AEBP2: variants seen among roughly 807,000 people sequenced by gnomAD.
AEBP2 encodes zinc finger protein AEBP2.
A neutral mutation model predicts 50.8 loss-of-function variants in AEBP2; 10 were observed. That is an observed-to-expected ratio of 0.20 (90% confidence interval 0.12 to 0.33). The LOEUF is 0.33. Among genes scored for constraint, AEBP2 ranks in the 10% least tolerant of loss-of-function variants. The pLI, the probability that AEBP2 is intolerant of heterozygous loss-of-function variation, is 1.00. For synonymous variants in AEBP2, 296 were observed against 261.3 expected, an observed-to-expected ratio of 1.13 and a Z score of -1.28; for missense variants, 570 against 688.0, an observed-to-expected ratio of 0.83 and a Z score of 1.92.
chr12:19,448,020 C>T (rs1337326338), intron 1 of AEBP2, among the ~76,000 whole-genome samples: 1 of 152,100 alleles, frequency 6.6e-6, no homozygotes, highest in Admixed American at 6.6e-5. Context: ...TCAAGGATAT[C>T]TTAGGTAGGT....
intron 1 of AEBP2, among the ~76,000 whole-genome samples, chr12:19,425,486 G>T (rs1296795050): frequency 1.3e-5 from 2 of 152,030 alleles, no homozygotes; most frequent in African/African-American, 4.8e-5. Context: ...GATGAATTAG[G>T]CCAGGTCTGG....
chr12:19,464,120 T>C (rs1166705940), intron 2 of AEBP2, among the ~76,000 whole-genome samples: 2 of 152,254 alleles, frequency 1.3e-5, no homozygotes, highest in African/African-American at 2.4e-5. Context: ...TAAAATGTTA[T>C]ACTTACCTAT....
chr12:19,421,097 C>T (rs1386181832), intron 1 of AEBP2, among the ~76,000 whole-genome samples: 5 of 152,132 alleles, frequency 3.3e-5, no homozygotes, highest in Non-Finnish European at 7.4e-5. Flanking sequence ...GTAATCCAAG[C>T]ACTTTGGAAG....
At chr12:19,463,942 A>T (rs117549972) in intron 2 of AEBP2, among the ~76,000 whole-genome samples, 7,353 of 152,246 alleles carry the variant, frequency 0.048, 397 homozygotes, top group Admixed American at 0.15. Context: ...CTGGGATTAC[A>T]GGCGTGAGTC....
intron 1 of AEBP2, among the ~76,000 whole-genome samples, chr12:19,432,887 A>T (rs1375857942): frequency 6.6e-6 from 1 of 152,138 alleles, no homozygotes; most frequent in Non-Finnish European, 1.5e-5. Flanking sequence ...AGATGAACCA[A>T]TGAAATTCAA....
chr12:19,420,328 ATTTTTTT>A (rs780103252), intron 1 of AEBP2, among the ~76,000 whole-genome samples: 3 of 76,586 alleles, frequency 3.9e-5, no homozygotes, highest in African/African-American at 5.5e-5. Flanking sequence ...TGTGCTGACC[ATTTTTTT>A]TTTTTTTTTT....
intron 3 of AEBP2, among the ~76,000 whole-genome samples, chr12:19,485,905 T>C (rs1291623780): frequency 6.7e-6 from 1 of 149,448 alleles, no homozygotes; most frequent in Non-Finnish European, 1.5e-5. Context: ...CAGGTGACTA[T>C]AGAGAGAGGA....
At chr12:19,423,820 G>A (rs896933181) in intron 1 of AEBP2, among the ~76,000 whole-genome samples, 9 of 152,080 alleles carry the variant, frequency 5.9e-5, no homozygotes, top group African/African-American at 1.4e-4. Flanking sequence ...CAGCCTGGGC[G>A]ACAGAGTGAG....
intron 1 of AEBP2, among the ~76,000 whole-genome samples, chr12:19,458,334 A>AG (rs1160296876): frequency 3.3e-5 from 5 of 152,154 alleles, no homozygotes; most frequent in Non-Finnish European, 7.4e-5. Context: ...AAGTTGGAGG[A>AG]GCCTAAGAGG....
At chr12:19,407,765 A>G (rs1044898051) in intron 1 of AEBP2, among the ~76,000 whole-genome samples, 1 of 150,704 alleles carries the variant, frequency 6.6e-6, no homozygotes, top group Non-Finnish European at 1.5e-5. Flanking sequence ...AAAGTTAAAA[A>G]TGGCTGGACG....
chr12:19,477,302 C>A (rs577513452), intron 3 of AEBP2, among the ~76,000 whole-genome samples: 1 of 152,152 alleles, frequency 6.6e-6, no homozygotes, highest in East Asian at 1.9e-4. Flanking sequence ...TATTTCTTTT[C>A]TCTGATTGCT....
At chr12:19,489,391 A>C (rs1948861985) in intron 3 of AEBP2, among the ~76,000 whole-genome samples, 1 of 152,176 alleles carries the variant, frequency 6.6e-6, no homozygotes, top group East Asian at 1.9e-4. Flanking sequence ...ACACTATGAC[A>C]AGAACAGCAT....
intron 2 of AEBP2, among the ~76,000 whole-genome samples, chr12:19,472,972 C>T (rs1230053962): frequency 6.6e-6 from 1 of 152,018 alleles, no homozygotes; most frequent in Non-Finnish European, 1.5e-5. Context: ...GTCTCAGTTC[C>T]AAGGGATATA....
intron 1 of AEBP2, among the ~76,000 whole-genome samples, chr12:19,428,106 A>C (rs1224028404): frequency 6.6e-6 from 1 of 151,890 alleles, no homozygotes. Flanking sequence ...GCATGGTGGC[A>C]TGTGCCTGTA....
At chr12:19,413,584 TAA>T in intron 1 of AEBP2, 1 of 600,564 alleles carries the variant, frequency 1.7e-6, no homozygotes, top group Non-Finnish European at 3.0e-6. Context: ...TTATGCAAAA[TAA>T]AAAAAAAGAA....
At chr12:19,409,255 C>A (rs1282393821) in intron 1 of AEBP2, among the ~76,000 whole-genome samples, 1 of 151,794 alleles carries the variant, frequency 6.6e-6, no homozygotes, top group Non-Finnish European at 1.5e-5. Context: ...CATATTAGTT[C>A]AATTACAGAA....
chr12:19,494,159 A>G (rs1948935746), intron 4 of AEBP2, among the ~76,000 whole-genome samples, 173 bp downstream of exon 4: 1 of 152,214 alleles, frequency 6.6e-6, no homozygotes, highest in Admixed American at 6.5e-5. Context: ...TGTAGTAGCT[A>G]AGGGAGTATA....
intron 1 of AEBP2, 190 bp downstream of exon 1, chr12:19,440,560 A>G: frequency 6.5e-6 from 9 of 1,386,070 alleles, no homozygotes; most frequent in South Asian, 3.3e-5. Flanking sequence ...GCGGCTTCCA[A>G]CTCTCAAACC....
At chr12:19,418,389 CTTTT>C (rs372043971) in intron 1 of AEBP2, among the ~76,000 whole-genome samples, 2 of 94,926 alleles carry the variant, frequency 2.1e-5, no homozygotes, top group Non-Finnish European at 4.0e-5. Flanking sequence ...CTATGCCTGG[CTTTT>C]TTTTTTTTTT....
Sources: allele counts gnomAD v4.1 joint callset (sites outside exome capture counted in the v4.1 genomes callset), GRCh38; gene constraint gnomAD v4.1.1; transcripts MANE v1.5; gene names NCBI Gene and HGNC (gene_info 2026-07-23, HGNC 2026-07-21).